C2CD5: variants seen among roughly 807,000 people sequenced by gnomAD.
C2CD5 encodes C2 domain-containing protein 5.
A neutral mutation model predicts 130.3 loss-of-function variants in C2CD5; 109 were observed. The ratio of observed to expected loss-of-function variants is 0.84; its 90% CI spans 0.72 to 0.98. The LOEUF (loss-of-function observed/expected upper bound fraction) is 0.98, where lower values mean the gene tolerates loss of function less well. Among genes scored for constraint, C2CD5 ranks in the 50% least tolerant of loss-of-function variants. C2CD5 has a pLI of 0.00. For missense variants in C2CD5, 996 were observed against 1,261.8 expected, an observed-to-expected ratio of 0.79 and a Z score of 3.19; for synonymous variants, 454 against 429.2, an observed-to-expected ratio of 1.06 and a Z score of -0.71.
rs186776399 is a variant in C2CD5, at chr12:22,474,843, G to A, written c.1951C>T (p.Arg651Cys). Reference sequence around the variant, plus strand: ...GATTGAGATCTTAGAAGTCTTGAGCGTTGCCTAGGTTCTGGGATGGGTGAT... The same window carrying A: ...GATTGAGATCTTAGAAGTCTTGAGCATTGCCTAGGTTCTGGGATGGGTGAT... ...IGSPIPEPRQRSRLLRSQSES... is the reference protein window; with the variant it reads ...IGSPIPEPRQCSRLLRSQSES... The change falls in exon 16 of 27, where the codon CGC (arginine) becomes TGC (cysteine). Residue 651 changes from arginine (R) to cysteine (C), a missense_variant. Physicochemically the swap from Arg to Cys is radical, Grantham distance 180. This residue lies in a region of C2CD5 where 590 missense variants were observed against 631.4 expected (regional missense o/e 0.93). Transcript: ENST00000446597. 1.3e-5 allele frequency: 21 copies of A among 1,606,912 alleles called. No individual in the cohort carries two copies. The highest frequency in any genetic ancestry group is 2.2e-5 in the East Asian group (1 of 44,610).
intron 25 of C2CD5, among the ~76,000 whole-genome samples, chr12:22,454,720 A>C (rs2135969324): frequency 6.6e-6 from 1 of 151,144 alleles, no homozygotes; most frequent in Admixed American, 6.6e-5. Flanking sequence ...TATATTACTT[A>C]CTCTCCCTAG....
rs750469256 is a variant in C2CD5, at chr12:22,472,004, T to C, written c.2231A>G (p.Asn744Ser). Reference sequence around the variant, plus strand: ...TTCACAGAGATCATTAAAGTTCTTATTGAGAGCTTGATTAGTCAGGTTGAG... The same window carrying C: ...TTCACAGAGATCATTAAAGTTCTTACTGAGAGCTTGATTAGTCAGGTTGAG... Reference protein sequence around the residue: ...SSLNLTNQALNKNFNDLCENL... With the variant: ...SSLNLTNQALSKNFNDLCENL... The change falls in exon 19 of 27, where the codon AAT (asparagine) becomes AGT (serine). Residue 744 changes from asparagine (N) to serine (S), a missense_variant. By Grantham distance (46) the Asn-to-Ser change is conservative. Around this residue, in one of 9 missense-constraint regions of C2CD5, gnomAD observed 590 missense variants for 631.4 expected, o/e 0.93. Coordinates refer to ENST00000446597, the MANE Select transcript of C2CD5 (RefSeq NM_001286176.2). The C allele has an allele frequency of 2.7e-5, 43 of 1,609,670 alleles. No homozygotes were observed. Among genetic ancestry groups the C allele is most frequent in the African/African-American group, 1.7e-4 (13 of 74,904 alleles).
chr12:22,477,787 T>TA (rs796507239), intron 15 of C2CD5, among the ~76,000 whole-genome samples: 55 of 152,224 alleles, frequency 3.6e-4, no homozygotes, highest in African/African-American at 9.4e-4. Flanking sequence ...AGCAAATTTG[T>TA]AAAAAAAGAA....
chr12:22,461,905 A>G (rs1941235886), intron 22 of C2CD5, among the ~76,000 whole-genome samples: 1 of 150,966 alleles, frequency 6.6e-6, no homozygotes, highest in Non-Finnish European at 1.5e-5. Context: ...TTTCTCCTAG[A>G]AAAAAAAGGC....
chr12:22,519,018 T>C, intron 7 of C2CD5: 1 of 1,059,246 alleles, frequency 9.4e-7, no homozygotes, highest in South Asian at 1.8e-5. Flanking sequence ...AAGCAAAGAT[T>C]TATGGTACCT....
intron 10 of C2CD5, among the ~76,000 whole-genome samples, chr12:22,495,262 G>A (rs1202932675): frequency 6.6e-6 from 1 of 151,958 alleles, no homozygotes; most frequent in Non-Finnish European, 1.5e-5. Context: ...TTCTTCATCT[G>A]TACCACAAGT....
chr12:22,535,575 A>C (rs1951742469), intron 2 of C2CD5, among the ~76,000 whole-genome samples: 1 of 152,156 alleles, frequency 6.6e-6, no homozygotes, highest in Admixed American at 6.5e-5. Flanking sequence ...CACACATCAC[A>C]AAGAACTAAC....
chr12:22,519,212 A>G, intron 7 of C2CD5: 1 of 1,535,976 alleles, frequency 6.5e-7, no homozygotes, highest in Non-Finnish European at 8.7e-7. Context: ...AGCGGCATCC[A>G]TGGCTTGGAG....
intron 8 of C2CD5, among the ~76,000 whole-genome samples, chr12:22,513,994 G>A (rs2136887058): frequency 6.6e-6 from 1 of 152,160 alleles, no homozygotes; most frequent in Middle Eastern, 3.4e-3. Context: ...AAAAACCACA[G>A]ACATGTAATA....
At chr12:22,536,701 A>G (rs1430687277) in intron 2 of C2CD5, among the ~76,000 whole-genome samples, 2 of 152,220 alleles carry the variant, frequency 1.3e-5, no homozygotes, top group Non-Finnish European at 2.9e-5. Context: ...TAAGCCAAAG[A>G]ACTGACAGCA....
chr12:22,529,362 C>T (rs1951008079), intron 3 of C2CD5, among the ~76,000 whole-genome samples: 1 of 152,156 alleles, frequency 6.6e-6, no homozygotes, highest in Non-Finnish European at 1.5e-5. Context: ...CCCCCAATTT[C>T]TAACTCCATT....
chr12:22,535,052 T>G, intron 3 of C2CD5: 1 of 427,858 alleles, frequency 2.3e-6, no homozygotes, highest in Non-Finnish European at 4.1e-6. Flanking sequence ...TGAAGACTTC[T>G]TTTGTTAATG....
chr12:22,539,836 T>C (rs949108935), intron 2 of C2CD5, among the ~76,000 whole-genome samples: 14 of 151,752 alleles, frequency 9.2e-5, no homozygotes, highest in Admixed American at 5.2e-4. Context: ...TCTACAAAAA[T>C]ACAAAAAATT....
Position 22,527,622 on chromosome 12 carries a change from G to T in C2CD5, c.349+99C>A. ...CATGAGCCACCGCACCTAGCCTAAA[G>T]ATACATATTTTAAACCAGCAAATAT... On this transcript the variant is annotated intron_variant, in intron 4 of 26. Coordinates refer to ENST00000446597, the MANE Select transcript of C2CD5 (RefSeq NM_001286176.2). The T allele has an allele frequency of 5.6e-6, 4 of 712,440 alleles. No individual in the cohort carries two copies. In the South Asian group the frequency reaches 7.4e-5, roughly 13 times the overall value. 44.1% of individuals were successfully genotyped at this position (712,440 alleles called of 1,614,324 possible). A position where few individuals can be genotyped will look rare whatever the true frequency, so the allele number is the denominator to read the frequency against.
chr12:22,542,704 T>C (rs534960055), intron 2 of C2CD5, among the ~76,000 whole-genome samples: 22 of 152,282 alleles, frequency 1.4e-4, no homozygotes, highest in Admixed American at 9.1e-4. Context: ...AGCAGAGTGG[T>C]TAAGAGAACA....
In C2CD5 at chr12:22,513,582, C is replaced by T. The variant is rs543886651; in HGVS notation, c.953-203G>A. Among the ~76,000 whole-genome samples, 598 of 152,166 alleles carry T rather than the reference C, an allele frequency of 3.9e-3. 2 individuals are homozygous for T. The highest frequency in any genetic ancestry group is 6.4e-3 in the Non-Finnish European group (434 of 67,954). On this transcript the variant is annotated intron_variant, in intron 8 of 26. Coordinates refer to ENST00000446597, the MANE Select transcript of C2CD5 (RefSeq NM_001286176.2). ...TTAGATGCAACATGTCAGAGCCCTA[C>T]TGACCCCAGCTAGTTTTGGACTTAA... is the stretch of plus-strand genomic sequence containing the variant.
chr12:22,513,070 A>G (rs1460863871), intron 9 of C2CD5, among the ~76,000 whole-genome samples: 1 of 152,124 alleles, frequency 6.6e-6, no homozygotes, highest in Non-Finnish European at 1.5e-5. Context: ...TTTCTGATAA[A>G]AGATTAAACA....
intron 7 of C2CD5, 115 bp from the exon 8 acceptor site, chr12:22,518,252 C>T (rs905071800): frequency 6.5e-5 from 62 of 955,216 alleles, no homozygotes; most frequent in Admixed American, 5.4e-4. Flanking sequence ...TCATTTCTTA[C>T]GTGTGGAGCT....
Position 22,458,581 on chromosome 12 carries a change from C to T in C2CD5, c.2589G>A (p.Thr863=), listed in dbSNP as rs941218760. 1.1e-5 allele frequency: 14 copies of T among 1,263,930 alleles called. No homozygotes were observed. Among genetic ancestry groups the T allele is most frequent in the South Asian group, 9.2e-5 (3 of 32,590 alleles). The allele number at this position is 1,263,930 out of a possible 1,614,324, so 78.3% of individuals were successfully genotyped here. Residue 863 remains threonine (T), a synonymous_variant, in exon 24 of 27, where the codon ACG becomes ACA. Coordinates refer to ENST00000446597, the MANE Select transcript of C2CD5 (RefSeq NM_001286176.2). ...CTGCAAAGGAACTGTAATCAACTGACGTTGCTGAAAACACAGACAGAAAAC... is the reference window on the plus strand; with the variant it reads ...CTGCAAAGGAACTGTAATCAACTGATGTTGCTGAAAACACAGACAGAAAAC... ...NSGIPAAQRA[T]SVDYSSFADR...
Sources: allele counts gnomAD v4.1 joint callset (sites outside exome capture counted in the v4.1 genomes callset), GRCh38; gene constraint gnomAD v4.1.1; regional missense constraint gnomAD v4.1.1; transcripts MANE v1.5; gene names NCBI Gene and HGNC (gene_info 2026-07-23, HGNC 2026-07-21).